The following RICTOR variants were observed in gnomAD, a reference collection of about 807,000 sequenced individuals.
The protein encoded by RICTOR is RPTOR independent companion of MTOR complex 2.
RICTOR carries 49 observed loss-of-function variants against 214.9 expected under a neutral mutation model. The observed-to-expected ratio is 0.23, with a 90% CI of 0.18 to 0.29. The LOEUF is 0.29. Among genes scored for constraint, RICTOR ranks in the 10% least tolerant of loss-of-function variants. The probability of loss-of-function intolerance (pLI) is 1.00; values close to 1 mark genes in which losing one functional copy is unlikely to be tolerated. For missense variants in RICTOR, 1,625 were observed against 2,047.0 expected (o/e 0.79, Z 3.98); for synonymous variants, 717 against 711.3 (o/e 1.01, Z -0.13).
chr5:38,942,451 AAT>A, intron 37 of RICTOR, 73 bp from the exon 38 acceptor site: 4 of 788,516 alleles, frequency 5.1e-6, no homozygotes, highest in South Asian at 2.7e-5. Flanking sequence ...ATAAATATCT[AAT>A]TTTTTTTTTT....
At chr5:38,948,016 T>C (rs1452230030) in intron 31 of RICTOR, among the ~76,000 whole-genome samples, 2 of 150,310 alleles carry the variant, frequency 1.3e-5, no homozygotes, top group Admixed American at 1.3e-4. Context: ...ATTTCCACAA[T>C]GTACTGATAT....
chr5:39,006,980 A>AT, intron 3 of RICTOR, among the ~76,000 whole-genome samples: 1 of 152,332 alleles, frequency 6.6e-6, no homozygotes, highest in Non-Finnish European at 1.5e-5. Context: ...GTAGTTACAA[A>AT]TTTAAGAGAA....
intron 3 of RICTOR, among the ~76,000 whole-genome samples, chr5:39,019,746 G>T (rs1755253190): frequency 1.3e-5 from 2 of 152,102 alleles, no homozygotes; most frequent in African/African-American, 4.8e-5. Flanking sequence ...ATGAATCGGG[G>T]AATTGGGGAA....
intron 11 of RICTOR, chr5:38,970,158 G>A (rs923880275): frequency 2.0e-5 from 3 of 152,168 alleles, no homozygotes; most frequent in African/African-American, 7.2e-5. Flanking sequence ...ATCTAGGTCT[G>A]TGTAAGTACT....
rs201451814 is a variant in RICTOR, at chr5:38,967,150, A to G, written c.1218+11T>C. ...AACAAAATGGAATAAAATAAGGTTT[A>G]TAAGTCTTACCTCTAAAAGTCCATT... On this transcript the variant is annotated intron_variant, in intron 14 of 37. Transcript: ENST00000357387. The G allele has an allele frequency of 2.9e-4, 451 of 1,570,260 alleles. 1 individual carries two copies. The African/African-American group carries it at 5.2e-3, about 18-fold the overall frequency.
chr5:39,003,113 C>T (rs558667147), intron 4 of RICTOR, among the ~76,000 whole-genome samples: 8 of 152,090 alleles, frequency 5.3e-5, no homozygotes, highest in African/African-American at 1.9e-4. Flanking sequence ...AGGCACAGAC[C>T]TTTTATATCA....
chr5:38,970,734 T>C (rs1579954203), intron 11 of RICTOR: 1 of 152,210 alleles, frequency 6.6e-6, no homozygotes. Context: ...TCCTTCAAAT[T>C]CGATTTAACT....
At chr5:38,974,136 G>A (rs1751013135) in intron 10 of RICTOR, among the ~76,000 whole-genome samples, 2 of 150,874 alleles carry the variant, frequency 1.3e-5, no homozygotes, top group African/African-American at 4.9e-5. Flanking sequence ...TGCAACCTCC[G>A]CCTCCTGGGT....
chr5:38,991,132 A>G (rs1752745533), intron 6 of RICTOR, 57 bp from the exon 7 acceptor site: 1 of 1,270,106 alleles, frequency 7.9e-7, no homozygotes, highest in Admixed American at 2.1e-5. Context: ...TCTTAAACCT[A>G]TTTTGTCCAG....
At position 38,952,303 on chromosome 5, in the gene RICTOR, T is replaced by G. The variant is rs778489599; in HGVS notation, c.3020A>C (p.Asp1007Ala). 1 of 1,612,888 alleles carries G rather than the reference T, an allele frequency of 6.2e-7. No individual in the cohort carries two copies. Among genetic ancestry groups the G allele is most frequent in the South Asian group, 1.1e-5 (1 of 91,062 alleles). Residue 1007 changes from aspartate to alanine, a missense_variant, in exon 30 of 38, where the codon GAT becomes GCT. Asp to Ala is a moderately radical substitution (Grantham distance 126). Coordinates refer to ENST00000357387, the MANE Select transcript of RICTOR (RefSeq NM_152756.5). Reference protein sequence around the residue: ...RKHLWPVVPDDVEQLCNELSS... With the variant: ...RKHLWPVVPDAVEQLCNELSS... ...AAGTTCATTACAGAGTTGTTCCACA[T>G]CATCTGGAACCACTGGCCACAGATG... is the stretch of plus-strand genomic sequence containing the variant.
chr5:39,002,195 A>G (rs559986967), intron 5 of RICTOR, among the ~76,000 whole-genome samples: 3 of 149,712 alleles, frequency 2.0e-5, no homozygotes, highest in Admixed American at 2.0e-4. Context: ...AAAAATCAAC[A>G]TGTATGAATC....
chr5:38,945,012 C>G lies in RICTOR; in HGVS notation c.4690G>C (p.Glu1564Gln). The G allele has an allele frequency of 6.2e-7, 1 of 1,612,320 alleles. No individual in the cohort carries two copies. The highest frequency in any genetic ancestry group is 8.5e-7 in the Non-Finnish European group (1 of 1,178,464). The change falls in exon 35 of 38, where the codon GAA becomes CAA. Residue 1564 changes from glutamate to glutamine, a missense_variant. By Grantham distance (29) the Glu-to-Gln change is conservative. This residue lies in a region of RICTOR where 1,214 missense variants were observed against 1,470.5 expected (regional missense o/e 0.83). Transcript: ENST00000357387. ...CCCGAAAACTTAGAGGGAACCACTT[C>G]TAAAGGATTATGGATAGTCTGCTCA... ...WCEQTIHNPLEVVPSKFSGIS... is the reference protein window; with the variant it reads ...WCEQTIHNPLQVVPSKFSGIS...
chr5:38,949,475 C>T, intron 31 of RICTOR: 2 of 1,474,936 alleles, frequency 1.4e-6, no homozygotes, highest in Non-Finnish European at 1.8e-6. Context: ...ACTTGTATGT[C>T]CTTTGCAAAG....
At chr5:39,022,705 A>G (rs1755523347) in intron 2 of RICTOR, 1 of 152,306 alleles carries the variant, frequency 6.6e-6, no homozygotes, top group Non-Finnish European at 1.5e-5. Context: ...ACACAGGAAC[A>G]TCTTAACTAA....
chr5:39,063,230 G>A (rs1265339897), intron 2 of RICTOR, among the ~76,000 whole-genome samples: 1 of 152,066 alleles, frequency 6.6e-6, no homozygotes, highest in African/African-American at 2.4e-5. Context: ...ATAGTCACAA[G>A]TACACGCAAA....
At chr5:38,958,367 AT>A (rs1319796293) in intron 24 of RICTOR, 75 bp downstream of exon 24, 1 of 901,596 alleles carries the variant, frequency 1.1e-6, no homozygotes, top group Admixed American at 1.8e-5. Context: ...TCCCATTTGG[AT>A]TTGAATCTAT....
intron 2 of RICTOR, among the ~76,000 whole-genome samples, chr5:39,040,193 C>T (rs999894617): frequency 2.6e-5 from 4 of 151,818 alleles, no homozygotes; most frequent in Admixed American, 6.6e-5. Flanking sequence ...TGGAAACCAT[C>T]ATTCTCAGCA....
At chr5:38,965,016 T>C in intron 15 of RICTOR, 124 bp from the exon 16 acceptor site, 1 of 523,098 alleles carries the variant, frequency 1.9e-6, no homozygotes. Flanking sequence ...ACTCATAAAA[T>C]TAACTTATTT....
intron 2 of RICTOR, among the ~76,000 whole-genome samples, chr5:39,038,892 C>G (rs1216316038): frequency 6.6e-6 from 1 of 152,012 alleles, no homozygotes; most frequent in Non-Finnish European, 1.5e-5. Flanking sequence ...CCATACTGCC[C>G]AAGGTAATTT....
Sources: gnomAD v4.1 joint callset for allele counts (sites outside exome capture counted in the v4.1 genomes callset) on GRCh38, gnomAD v4.1.1 for gene constraint, gnomAD v4.1.1 regional missense constraint, MANE v1.5 for transcripts, NCBI Gene and HGNC (gene_info 2026-07-23, HGNC 2026-07-21) for gene names.